TANK: variants seen among roughly 807,000 people sequenced by gnomAD.
The protein encoded by TANK is TRAF family member associated NFKB activator.
A neutral mutation model predicts 43.6 loss-of-function variants in TANK; 15 were observed. The observed-to-expected ratio is 0.34, with a 90% CI of 0.23 to 0.53. The LOEUF (loss-of-function observed/expected upper bound fraction) is 0.53, where lower values mean the gene tolerates loss of function less well. Ranked by LOEUF, TANK falls within the 20% of genes least tolerant of loss-of-function variation. The pLI is 0.94. For missense variants in TANK, 417 were observed against 498.6 expected (o/e 0.84, Z 1.56); for synonymous variants, 162 against 178.2 (o/e 0.91, Z 0.73).
chr2:161,208,908 C>A (rs888449899), intron 4 of TANK, among the ~76,000 whole-genome samples: 1 of 152,072 alleles, frequency 6.6e-6, no homozygotes, highest in African/African-American at 2.4e-5. Context: ...AGCTGCACCC[C>A]TTGAAGGGAA....
intron 1 of TANK, among the ~76,000 whole-genome samples, chr2:161,169,165 C>G (rs1442393182): frequency 6.6e-6 from 1 of 152,090 alleles, no homozygotes; most frequent in East Asian, 1.9e-4. Flanking sequence ...AAGAAGGTCC[C>G]AAGATGAAGG....
intron 4 of TANK, among the ~76,000 whole-genome samples, chr2:161,215,892 C>A (rs1254726855): frequency 6.6e-6 from 1 of 152,092 alleles, no homozygotes; most frequent in South Asian, 2.1e-4. Flanking sequence ...AGTTAGTCAT[C>A]TTTCTATATA....
intron 4 of TANK, among the ~76,000 whole-genome samples, chr2:161,210,580 C>T (rs900140933): frequency 3.3e-5 from 5 of 151,740 alleles, no homozygotes; most frequent in Non-Finnish European, 7.4e-5. Flanking sequence ...ACCTGTAATC[C>T]CAGCCACTTG....
chr2:161,191,933 G>A (rs1464511656), intron 2 of TANK, among the ~76,000 whole-genome samples: 2 of 151,808 alleles, frequency 1.3e-5, no homozygotes, highest in African/African-American at 2.4e-5. Context: ...GATTACAGGC[G>A]CCCACCACCA....
chr2:161,210,245 T>G (rs763643068), intron 4 of TANK, among the ~76,000 whole-genome samples: 16 of 152,186 alleles, frequency 1.1e-4, no homozygotes, highest in Non-Finnish European at 2.4e-4. Flanking sequence ...CAAGTAAATA[T>G]AGAAGCTCTG....
chr2:161,161,501 C>G, intron 1 of TANK: 2 of 1,512,914 alleles, frequency 1.3e-6, no homozygotes, highest in Non-Finnish European at 1.8e-6. Context: ...CAACTATGTG[C>G]AAAGCAGGAA....
intron 4 of TANK, chr2:161,211,670 T>A: frequency 1.6e-6 from 1 of 634,168 alleles, no homozygotes; most frequent in Non-Finnish European, 2.0e-6. Context: ...TGTTTGTTAC[T>A]CAACTTTTTA....
In TANK at chr2:161,231,557, T is replaced by C. The variant is rs114477833; in HGVS notation, c.1101+6T>C. The C allele has an allele frequency of 8.9e-4, 1,429 of 1,608,040 alleles. 18 individuals are homozygous for C. In the African/African-American group the frequency reaches 0.017, roughly 19 times the overall value. On this transcript the variant is annotated splice_donor_region_variant and intron_variant, in intron 7 of 7. Transcript: ENST00000392749. ...CAATCCGAGGACCACAGCAGGTAACTGTTTTGCATTAACAAATATATTATT... is the reference window on the plus strand; with the variant it reads ...CAATCCGAGGACCACAGCAGGTAACCGTTTTGCATTAACAAATATATTATT...
chr2:161,203,438 G>T (rs750585958), intron 2 of TANK, 49 bp from the exon 3 acceptor site: 3 of 1,240,874 alleles, frequency 2.4e-6, no homozygotes, highest in Admixed American at 1.9e-5. Context: ...GTAAATATAT[G>T]TTCATGTCTA....
At chr2:161,203,975 T>A (rs1384778207) in intron 3 of TANK, among the ~76,000 whole-genome samples, 1 of 152,154 alleles carries the variant, frequency 6.6e-6, no homozygotes, top group Non-Finnish European at 1.5e-5. Context: ...CACAGTATAA[T>A]GTCTAATCAT....
intron 3 of TANK, 37 bp downstream of exon 3, chr2:161,203,632 C>T: frequency 1.5e-6 from 2 of 1,378,732 alleles, no homozygotes; most frequent in Non-Finnish European, 2.0e-6. Context: ...TTTCTAGAAC[C>T]TCTTGGTGAA....
At chr2:161,153,780 C>T (rs1057493053) in intron 1 of TANK, among the ~76,000 whole-genome samples, 1 of 151,900 alleles carries the variant, frequency 6.6e-6, no homozygotes, top group Non-Finnish European at 1.5e-5. Context: ...TACTGCAGTC[C>T]TCCTGTAGGC....
At chr2:161,200,968 C>G in intron 2 of TANK, 1 of 299,850 alleles carries the variant, frequency 3.3e-6, no homozygotes, top group Non-Finnish European at 4.9e-6. Flanking sequence ...GCCAGGCACT[C>G]TGTAATACTC....
At chr2:161,176,638 T>A (rs1395526787) in intron 1 of TANK, among the ~76,000 whole-genome samples, 1 of 152,074 alleles carries the variant, frequency 6.6e-6, no homozygotes, top group Non-Finnish European at 1.5e-5. Context: ...ACTCACAAAC[T>A]CAAGAACTGT....
chr2:161,235,442 C>T lies in TANK; in HGVS notation c.1202C>T (p.Ala401Val), dbSNP rs1188507983. Residue 401 changes from alanine to valine, a missense_variant, in exon 8 of 8, where the codon GCA becomes GTA. Transcript: ENST00000392749. Reference protein sequence around the residue: ...HIPRVCEFCQAVFPPSITSRG... With the variant: ...HIPRVCEFCQVVFPPSITSRG... ...CCTCGAGTATGTGAATTCTGTCAAG[C>T]AGTTTTCCCACCATCCATTACATCC... is the stretch of plus-strand genomic sequence containing the variant. 8 of 1,613,850 alleles carry T rather than the reference C, an allele frequency of 5.0e-6. No homozygotes were observed. Among genetic ancestry groups the T allele is most frequent in the African/African-American group, 1.3e-5 (1 of 74,886 alleles).
At chr2:161,182,982 TATTGTAACAAAA>T (rs2105303026) in intron 2 of TANK, among the ~76,000 whole-genome samples, 1 of 152,210 alleles carries the variant, frequency 6.6e-6, no homozygotes, top group Non-Finnish European at 1.5e-5. Flanking sequence ...AGCACCTCAG[TATTGTAACAAAA>T]GACTATAACA....
rs780128344 is a variant in TANK at position 161,223,929 on chromosome 2, G to A, written c.342G>A (p.Glu114=). The A allele has an allele frequency of 1.2e-6, 2 of 1,600,078 alleles. No individual in the cohort carries two copies. Among genetic ancestry groups the A allele is most frequent in the Non-Finnish European group, 1.7e-6 (2 of 1,170,440 alleles). Residue 114 remains glutamate (E), a synonymous_variant, in exon 5 of 8, where the codon GAG becomes GAA. Transcript: ENST00000392749. ...REKLPKVRRQ[E]VSSPRKETSA... ...GTATGTTTAAGGTAAGAAGACAAGA[G>A]GTTTCTTCTCCTAGAAAAGAAACTT...
Position 161,235,615 on chromosome 2 carries a change from T to C in TANK, c.*97T>C. 6 of 999,728 alleles carry C rather than the reference T, an allele frequency of 6.0e-6. No homozygotes were observed. Among genetic ancestry groups the C allele is most frequent in the Non-Finnish European group, 8.2e-6 (6 of 727,666 alleles). The allele number at this position is 999,728 out of a possible 1,614,324, so 61.9% of individuals were successfully genotyped here. ...TGTAAACTAAATTCAAGATCATTTA[T>C]AGGAAAATCTAGTTTCACAGCTATT... On this transcript the variant is annotated 3_prime_UTR_variant, in exon 8 of 8. Transcript: ENST00000392749.
chr2:161,203,002 C>T (rs1047615400), intron 2 of TANK: 4 of 310,854 alleles, frequency 1.3e-5, no homozygotes, highest in African/African-American at 4.6e-5. Context: ...TTATAATTTG[C>T]ATTTGTCCCT....
Sources: allele counts gnomAD v4.1 joint callset (sites outside exome capture counted in the v4.1 genomes callset), GRCh38; gene constraint gnomAD v4.1.1; transcripts MANE v1.5; gene names NCBI Gene and HGNC (gene_info 2026-07-23, HGNC 2026-07-21).